The following TTC23L variants were observed in gnomAD, a reference collection of about 807,000 sequenced individuals.
TTC23L encodes tetratricopeptide repeat domain 23 like.
Under a neutral mutation model 48.1 loss-of-function variants are expected in TTC23L, and 42 were observed. The ratio of observed to expected loss-of-function variants is 0.87; its 90% CI spans 0.68 to 1.13. The LOEUF (loss-of-function observed/expected upper bound fraction) is 1.13. Among genes scored for constraint, TTC23L ranks in the 50% most tolerant of loss-of-function variants. The probability of loss-of-function intolerance (pLI) is 0.00; values close to 1 mark genes in which losing one functional copy is unlikely to be tolerated. For synonymous variants in TTC23L, 159 were observed against 157.2 expected (o/e 1.01, Z -0.09); for missense variants, 391 against 421.0 (o/e 0.93, Z 0.62).
chr5:34,913,750 T>TCTC, the TTC23L span: 1 of 580,986 alleles, frequency 1.7e-6, no homozygotes, highest in South Asian at 2.1e-5. Context: ...AGCATCCTTA[T>TCTC]CTCCATTCCT....
At chr5:34,877,389 TTGAC>T (rs1761926149) in intron 8 of TTC23L, among the ~76,000 whole-genome samples, 1 of 151,844 alleles carries the variant, frequency 6.6e-6, no homozygotes, top group Admixed American at 6.6e-5. Flanking sequence ...TGGTTCTCCT[TTGAC>T]TAACACTATT....
intron 8 of TTC23L, chr5:34,869,595 C>T (rs1055287382): frequency 1.9e-5 from 3 of 157,198 alleles, no homozygotes; most frequent in Admixed American, 6.0e-5. Flanking sequence ...ATGTATCATT[C>T]TGTGCTGGCT....
At chr5:34,871,401 GA>G in intron 8 of TTC23L, among the ~76,000 whole-genome samples, 1 of 151,998 alleles carries the variant, frequency 6.6e-6, no homozygotes, top group East Asian at 1.9e-4. Flanking sequence ...ACTGATGAAA[GA>G]AATTAAATAT....
At chr5:34,915,961 C>T in the TTC23L span, 1 of 1,465,886 alleles carries the variant, frequency 6.8e-7, no homozygotes, top group Non-Finnish European at 9.0e-7. Context: ...TCTTGGGTTA[C>T]TTACTTGACT....
At chr5:34,840,285 G>T (rs1430517762) in intron 1 of TTC23L, among the ~76,000 whole-genome samples, 1 of 137,420 alleles carries the variant, frequency 7.3e-6, no homozygotes, top group Non-Finnish European at 1.5e-5. Context: ...GCTGTGCTTC[G>T]TTTACCACTG....
At chr5:34,909,452 G>C in the TTC23L span, 1 of 804,364 alleles carries the variant, frequency 1.2e-6, no homozygotes. Context: ...ATTCATACTA[G>C]TGGGTGAAAC....
intron 10 of TTC23L, among the ~76,000 whole-genome samples, chr5:34,897,431 T>C (rs1429988864): frequency 6.6e-6 from 1 of 151,858 alleles, no homozygotes; most frequent in Non-Finnish European, 1.5e-5. Flanking sequence ...TACATATATA[T>C]ACAAAACCTT....
intron 9 of TTC23L, among the ~76,000 whole-genome samples, chr5:34,890,441 CAAAAAAAA>C (rs57798773): frequency 8.8e-4 from 50 of 56,676 alleles, no homozygotes; most frequent in African/African-American, 4.0e-3. Flanking sequence ...GACCCTGTCT[CAAAAAAAA>C]AAAAAAAAAA....
At chr5:34,914,882 A>T in the TTC23L span, 1 of 1,614,138 alleles carries the variant, frequency 6.2e-7, no homozygotes, top group East Asian at 2.2e-5. Context: ...CTGTTGGGTC[A>T]GAAGGGGCAT....
the TTC23L span, chr5:34,918,246 T>A: frequency 1.9e-6 from 1 of 534,434 alleles, no homozygotes; most frequent in Non-Finnish European, 3.4e-6. Flanking sequence ...GCCCAGGAAC[T>A]TGAAACTGCA....
intron 8 of TTC23L, among the ~76,000 whole-genome samples, chr5:34,874,237 T>C (rs1456682011): frequency 6.6e-6 from 1 of 152,046 alleles, no homozygotes; most frequent in African/African-American, 2.4e-5. Context: ...TTAAAAGAAG[T>C]TCTTCAGAGA....
At chr5:34,859,995 C>T (rs1463383610) in intron 4 of TTC23L, among the ~76,000 whole-genome samples, 2 of 151,938 alleles carry the variant, frequency 1.3e-5, no homozygotes, top group East Asian at 3.9e-4. Flanking sequence ...AGGCGCCCGC[C>T]ACCACGCCTG....
At chr5:34,916,062 CT>C in the TTC23L span, 6 of 779,514 alleles carry the variant, frequency 7.7e-6, no homozygotes, top group Non-Finnish European at 1.1e-5. Flanking sequence ...GAGTTTGCAG[CT>C]AATCCTTGTG....
chr5:34,922,583 A>G, the TTC23L span: 1 of 1,607,464 alleles, frequency 6.2e-7, no homozygotes, highest in Non-Finnish European at 8.5e-7. Flanking sequence ...TTCCTTGTTC[A>G]AAATAGTAAG....
chr5:34,914,850 A>G, the TTC23L span: 1 of 1,614,180 alleles, frequency 6.2e-7, no homozygotes, highest in South Asian at 1.1e-5. Context: ...ACAAGGCTGT[A>G]CTGATCATCC....
intron 9 of TTC23L, among the ~76,000 whole-genome samples, chr5:34,884,326 T>G (rs866395964): frequency 6.6e-6 from 1 of 152,176 alleles, no homozygotes; most frequent in African/African-American, 2.4e-5. Context: ...GGTGAAAAAC[T>G]GAAAGCTTTT....
chr5:34,915,660 C>T, the TTC23L span: 2 of 1,456,712 alleles, frequency 1.4e-6, no homozygotes, highest in South Asian at 1.4e-5. Context: ...GCGCTTAGAG[C>T]CGCCGAACCA....
chr5:34,858,347 T>C (rs940172176), intron 4 of TTC23L, among the ~76,000 whole-genome samples: 2 of 152,194 alleles, frequency 1.3e-5, no homozygotes, highest in Non-Finnish European at 2.9e-5. Flanking sequence ...TAAATGTAAA[T>C]TCATTTCAAA....
chr5:34,886,833 G>A (rs1210986050), intron 9 of TTC23L, among the ~76,000 whole-genome samples: 1 of 152,190 alleles, frequency 6.6e-6, no homozygotes, highest in Non-Finnish European at 1.5e-5. Context: ...TATGATAGTG[G>A]CAGCATCTCT....
Sources: gnomAD v4.1 joint callset for allele counts (sites outside exome capture counted in the v4.1 genomes callset) on GRCh38, gnomAD v4.1.1 for gene constraint, MANE v1.5 for transcripts, NCBI Gene and HGNC (gene_info 2026-07-23, HGNC 2026-07-21) for gene names.